The following HYCC1 variants were observed in gnomAD, a reference collection of about 807,000 sequenced individuals.
HYCC1 encodes the protein hyccin PI4KA lipid kinase complex subunit 1, also known as hyccin.
At chr7:22,940,261 T>G in the HYCC1 span, 3 of 98,590 alleles carry the variant, frequency 3.0e-5, no homozygotes, top group South Asian at 3.5e-4. Flanking sequence ...TTTTTTTTTT[T>G]TTTTTTTTGA....
At chr7:22,961,234 C>A in the HYCC1 span, 9 of 1,592,202 alleles carry the variant, frequency 5.7e-6, no homozygotes, top group Non-Finnish European at 6.9e-6. Flanking sequence ...CAGGCACCTA[C>A]CAGCAATGGC....
the HYCC1 span, chr7:22,976,455 A>C: frequency 2.9e-6 from 2 of 694,974 alleles, no homozygotes; most frequent in South Asian, 1.8e-5. Context: ...ACTACAAGGA[A>C]AAAAAGACTT....
chr7:22,924,604 T>C, the HYCC1 span, among the ~76,000 whole-genome samples: 12 of 152,134 alleles, frequency 7.9e-5, no homozygotes, highest in Non-Finnish European at 1.6e-4. Flanking sequence ...CAGTCTGAGA[T>C]CAAACTGCAA....
the HYCC1 span, among the ~76,000 whole-genome samples, chr7:22,993,876 T>C: frequency 3.3e-3 from 502 of 152,262 alleles, 2 homozygotes; most frequent in South Asian, 6.2e-3. Flanking sequence ...ATACATATAC[T>C]CTACGAACCC....
the HYCC1 span, among the ~76,000 whole-genome samples, chr7:23,000,447 T>C: frequency 6.6e-6 from 1 of 152,118 alleles, no homozygotes; most frequent in Non-Finnish European, 1.5e-5. Flanking sequence ...TGTACATATG[T>C]ATATATACAC....
chr7:23,002,309 C>T, the HYCC1 span, among the ~76,000 whole-genome samples: 5 of 151,574 alleles, frequency 3.3e-5, no homozygotes, highest in Admixed American at 2.0e-4. Flanking sequence ...TACTGTTTTG[C>T]CCCTGTTGAC....
At chr7:22,998,286 T>C in the HYCC1 span, among the ~76,000 whole-genome samples, 3 of 152,294 alleles carry the variant, frequency 2.0e-5, no homozygotes, top group Non-Finnish European at 2.9e-5. Flanking sequence ...ATTGCAAATA[T>C]TCTCCCTCTT....
At chr7:22,989,607 C>T in the HYCC1 span, among the ~76,000 whole-genome samples, 1 of 151,976 alleles carries the variant, frequency 6.6e-6, no homozygotes, top group Non-Finnish European at 1.5e-5. Flanking sequence ...ATCCTTCCAT[C>T]TCTGCCTCTC....
At chr7:23,012,514 G>A in the HYCC1 span, among the ~76,000 whole-genome samples, 1 of 152,132 alleles carries the variant, frequency 6.6e-6, no homozygotes, top group Non-Finnish European at 1.5e-5. Context: ...CTAAATATGT[G>A]ATGCTTTTCC....
chr7:22,947,322 T>A, the HYCC1 span: 2 of 1,257,922 alleles, frequency 1.6e-6, no homozygotes, highest in Non-Finnish European at 1.1e-6. Context: ...AGCAAAAGAC[T>A]CAAAACAAAA....
At chr7:22,992,191 T>C in the HYCC1 span, among the ~76,000 whole-genome samples, 1 of 152,048 alleles carries the variant, frequency 6.6e-6, no homozygotes, top group East Asian at 1.9e-4. Context: ...TATCCAGATA[T>C]GCCTTAATGA....
the HYCC1 span, among the ~76,000 whole-genome samples, chr7:22,975,430 T>C: frequency 6.6e-6 from 1 of 152,334 alleles, no homozygotes; most frequent in Admixed American, 6.5e-5. Context: ...GTGAATATAC[T>C]ATACTCAAGG....
At chr7:22,964,899 C>A in the HYCC1 span, among the ~76,000 whole-genome samples, 1 of 152,094 alleles carries the variant, frequency 6.6e-6, no homozygotes, top group Non-Finnish European at 1.5e-5. Context: ...CTTTGGGAGG[C>A]CAAGGCAGGT....
At chr7:22,970,337 C>T in the HYCC1 span, among the ~76,000 whole-genome samples, 1 of 152,206 alleles carries the variant, frequency 6.6e-6, no homozygotes, top group African/African-American at 2.4e-5. Flanking sequence ...AATCCTAACT[C>T]TACTTATCAA....
chr7:22,921,767 CA>C, the HYCC1 span, among the ~76,000 whole-genome samples: 1 of 151,998 alleles, frequency 6.6e-6, no homozygotes, highest in Non-Finnish European at 1.5e-5. Context: ...CCTGCATATA[CA>C]AAAAGTCAGC....
At chr7:22,957,926 T>C in the HYCC1 span, among the ~76,000 whole-genome samples, 1 of 151,910 alleles carries the variant, frequency 6.6e-6, no homozygotes, top group East Asian at 1.9e-4. Context: ...ACAAATTTTG[T>C]TTTGATTTAT....
the HYCC1 span, among the ~76,000 whole-genome samples, chr7:22,925,827 G>C: frequency 2.6e-5 from 4 of 152,288 alleles, no homozygotes; most frequent in African/African-American, 9.6e-5. Context: ...AGGAAATACA[G>C]AGAATGCTAC....
the HYCC1 span, among the ~76,000 whole-genome samples, chr7:22,927,970 C>G: frequency 6.6e-6 from 1 of 152,158 alleles, no homozygotes; most frequent in African/African-American, 2.4e-5. Context: ...AGCAACACAT[C>G]AAAAAGCTTA....
chr7:22,972,941 G>C, the HYCC1 span, among the ~76,000 whole-genome samples: 1 of 152,044 alleles, frequency 6.6e-6, no homozygotes, highest in Non-Finnish European at 1.5e-5. Context: ...AAAATCAGAA[G>C]ATTAAAAAAA....
Sources: allele counts gnomAD v4.1 joint callset (sites outside exome capture counted in the v4.1 genomes callset), GRCh38; gene constraint gnomAD v4.1.1; transcripts MANE v1.5; gene names NCBI Gene and HGNC (gene_info 2026-07-23, HGNC 2026-07-21).